LARGE1: variants seen among roughly 807,000 people sequenced by gnomAD.
LARGE1 encodes xylosyl- and glucuronyltransferase LARGE1.
In LARGE1, 43 loss-of-function variants were observed where a neutral mutation model predicts 87.6. That is an observed-to-expected ratio of 0.49 (90% confidence interval 0.38 to 0.63). LARGE1 has a LOEUF of 0.63. Ranked by LOEUF, LARGE1 falls within the 30% of genes least tolerant of loss-of-function variation. The pLI is 0.00. For synonymous variants in LARGE1, 434 were observed against 394.6 expected (o/e 1.10, Z -1.18); for missense variants, 802 against 1,000.2 (o/e 0.80, Z 2.67).
intron 1 of LARGE1, among the ~76,000 whole-genome samples, chr22:33,797,115 G>C (rs2086011553): frequency 6.6e-6 from 1 of 152,052 alleles, no homozygotes; most frequent in Non-Finnish European, 1.5e-5. Flanking sequence ...AAAGAGAGTG[G>C]GAGCTTGGCA....
intron 4 of LARGE1, among the ~76,000 whole-genome samples, chr22:33,611,300 G>GC (rs1345870286): frequency 5.3e-5 from 8 of 152,370 alleles, no homozygotes; most frequent in African/African-American, 1.9e-4. Context: ...GAGAGCAGCT[G>GC]CAGGGGCTGT....
At position 33,398,726 on chromosome 22, in the gene LARGE1, T is replaced by C. The variant is rs117682183; in HGVS notation, c.893-14422A>G. 1.3e-3 allele frequency among the ~76,000 whole-genome samples: 196 copies of C among 152,262 alleles called. 1 individual carries two copies. In the East Asian group the frequency reaches 0.015, roughly 12 times the overall value. On this transcript the variant is annotated intron_variant, in intron 7 of 14. Coordinates refer to ENST00000397394, the MANE Select transcript of LARGE1 (RefSeq NM_133642.5). ...CAAGTCAACATGAGGTCATAGTGGATTAGAGTAGACTCCAATCCAATGGCT... is the reference window on the plus strand; with the variant it reads ...CAAGTCAACATGAGGTCATAGTGGACTAGAGTAGACTCCAATCCAATGGCT...
At chr22:33,668,857 G>A (rs1411666573) in intron 2 of LARGE1, among the ~76,000 whole-genome samples, 3 of 152,154 alleles carry the variant, frequency 2.0e-5, no homozygotes, top group Non-Finnish European at 4.4e-5. Context: ...TTCTAACTTT[G>A]GAAGTAGTGT....
intron 2 of LARGE1, among the ~76,000 whole-genome samples, chr22:33,676,280 G>A (rs1203715076): frequency 7.1e-6 from 1 of 141,614 alleles, no homozygotes; most frequent in Non-Finnish European, 1.5e-5. Flanking sequence ...AGAATCCTCT[G>A]AGAGCTGTCA....
At chr22:33,398,939 C>G (rs184553366) in intron 7 of LARGE1, among the ~76,000 whole-genome samples, 3 of 152,288 alleles carry the variant, frequency 2.0e-5, no homozygotes, top group Admixed American at 2.0e-4. Flanking sequence ...TTCACATGGA[C>G]TTCTAGCCTC....
chr22:33,232,631 C>T (rs1012218321), intron 11 of LARGE1, among the ~76,000 whole-genome samples: 1 of 152,198 alleles, frequency 6.6e-6, no homozygotes, highest in Non-Finnish European at 1.5e-5. Context: ...TGCCTTCCAG[C>T]TCCTGGCCTG....
chr22:33,201,925 C>T (rs1924415585), intron 11 of LARGE1, among the ~76,000 whole-genome samples: 1 of 151,998 alleles, frequency 6.6e-6, no homozygotes, highest in Non-Finnish European at 1.5e-5. Context: ...ATCACGAGGT[C>T]AGGAGATCGA....
chr22:33,798,342 A>T (rs2086053275), intron 1 of LARGE1, among the ~76,000 whole-genome samples: 1 of 152,134 alleles, frequency 6.6e-6, no homozygotes, highest in African/African-American at 2.4e-5. Context: ...ATATTAAAGT[A>T]CCTAGCAATG....
rs58765504 is a variant in LARGE1 at position 33,399,558 on chromosome 22, T to C, written c.893-15254A>G. On this transcript the variant is annotated intron_variant, in intron 7 of 14. Coordinates refer to ENST00000397394, the MANE Select transcript of LARGE1 (RefSeq NM_133642.5). Reference sequence around the variant, plus strand: ...AGACAGCGTGGCGATTCTTCAAGGATCTAGAACCAGAAACTTCTGCTTTTT... The same window carrying C: ...AGACAGCGTGGCGATTCTTCAAGGACCTAGAACCAGAAACTTCTGCTTTTT... 1.9e-3 allele frequency among the ~76,000 whole-genome samples: 291 copies of C among 152,262 alleles called. 1 individual carries two copies. The highest frequency in any genetic ancestry group is 6.9e-3 in the African/African-American group (285 of 41,562).
chr22:33,298,217 G>C (rs1344229161), intron 12 of LARGE1, among the ~76,000 whole-genome samples: 2 of 152,116 alleles, frequency 1.3e-5, no homozygotes, highest in Admixed American at 1.3e-4. Context: ...TCGTATCTGT[G>C]TGAATCCCGA....
chr22:33,623,165 G>A (rs1297094418), intron 4 of LARGE1, among the ~76,000 whole-genome samples: 1 of 149,294 alleles, frequency 6.7e-6, no homozygotes, highest in Admixed American at 6.7e-5. Flanking sequence ...AAACCAGGGA[G>A]AGACCTGATA....
chr22:33,287,876 GAC>G (rs1931832625), intron 12 of LARGE1, among the ~76,000 whole-genome samples: 1 of 152,172 alleles, frequency 6.6e-6, no homozygotes, highest in South Asian at 2.1e-4. Context: ...AGCTTTGGAG[GAC>G]AGTCAGGTGT....
At chr22:33,576,739 G>A (rs184953378) in intron 5 of LARGE1, among the ~76,000 whole-genome samples, 1 of 152,248 alleles carries the variant, frequency 6.6e-6, no homozygotes, top group African/African-American at 2.4e-5. Context: ...GTCCCCTGAT[G>A]TAAATAAGTG....
chr22:33,752,706 C>T (rs1270218053), intron 2 of LARGE1, among the ~76,000 whole-genome samples: 3 of 152,142 alleles, frequency 2.0e-5, no homozygotes, highest in Non-Finnish European at 2.9e-5. Context: ...CTGCTCTGTC[C>T]ATAAAGGACA....
chr22:33,544,062 A>T (rs2077286678), intron 6 of LARGE1, among the ~76,000 whole-genome samples: 1 of 152,178 alleles, frequency 6.6e-6, no homozygotes, highest in Non-Finnish European at 1.5e-5. Context: ...CTCTCATGAG[A>T]TTCCCTTTTG....
intron 1 of LARGE1, among the ~76,000 whole-genome samples, chr22:33,897,788 G>A (rs892532563): frequency 6.6e-6 from 1 of 152,134 alleles, no homozygotes; most frequent in African/African-American, 2.4e-5. Flanking sequence ...ATTATCCCTG[G>A]GGGATTACGA....
At chr22:33,459,440 TC>T (rs554436158) in intron 6 of LARGE1, among the ~76,000 whole-genome samples, 2 of 136,356 alleles carry the variant, frequency 1.5e-5, no homozygotes, top group African/African-American at 6.0e-5. Flanking sequence ...TCGCTCTCTC[TC>T]TTTTTTTTTT....
intron 11 of LARGE1, among the ~76,000 whole-genome samples, chr22:33,314,512 T>C (rs1935943626): frequency 6.6e-6 from 1 of 152,216 alleles, no homozygotes; most frequent in Non-Finnish European, 1.5e-5. Context: ...CATCAGTTTG[T>C]CCATTCTTCA....
intron 5 of LARGE1, among the ~76,000 whole-genome samples, chr22:33,585,959 G>A (rs568389184): frequency 3.3e-4 from 50 of 152,208 alleles, no homozygotes; most frequent in Non-Finnish European, 5.4e-4. Context: ...TCGGCCTCCC[G>A]AAGTGCTGGG....
Sources: allele counts gnomAD v4.1 joint callset (sites outside exome capture counted in the v4.1 genomes callset), GRCh38; gene constraint gnomAD v4.1.1; transcripts MANE v1.5; gene names NCBI Gene and HGNC (gene_info 2026-07-23, HGNC 2026-07-21).